The following MGP variants were observed in gnomAD, a reference collection of about 807,000 sequenced individuals.
MGP encodes the protein matrix Gla protein.
Under a neutral mutation model 14.5 loss-of-function variants are expected in MGP, and 13 were observed. That is an observed-to-expected ratio of 0.89 (90% CI 0.58 to 1.42). The LOEUF (loss-of-function observed/expected upper bound fraction) is 1.42, where lower values mean the gene tolerates loss of function less well. Among genes scored for constraint, MGP ranks in the 40% most tolerant of loss-of-function variants. MGP has a pLI of 0.00. For missense variants in MGP, 128 were observed against 133.7 expected, an observed-to-expected ratio of 0.96 and a Z score of 0.21; for synonymous variants, 44 against 46.3, an observed-to-expected ratio of 0.95 and a Z score of 0.20.
rs1160019138 is a variant in MGP at position 14,883,046 on chromosome 12, A to T, written c.96T>A (p.Asn32Lys). Residue 32 changes from asparagine to lysine, a missense_variant and splice_region_variant, in exon 3 of 4, where the codon AAT (asparagine) becomes AAA (lysine). Asn to Lys is a moderately conservative substitution (Grantham distance 94). Transcript: ENST00000539261. ...TTGCATTTCTCCTGTTAATGAAGGG[A>T]TCTTAGAACAGAAAATAAATAAATG... ...SHESMESYEL[N>K]PFINRRNANT... is the part of the protein sequence containing the mutation. 2.5e-6 allele frequency: 4 copies of T among 1,603,144 alleles called. No homozygotes were observed. Among genetic ancestry groups the T allele is most frequent in the Non-Finnish European group, 3.4e-6 (4 of 1,170,152 alleles).
chr12:14,881,627 C>T lies in MGP; in HGVS notation c.*512G>A, dbSNP rs1036872266. 1.9e-5 allele frequency: 3 copies of T among 155,554 alleles called. No homozygotes were observed. The highest frequency in any genetic ancestry group is 2.9e-5 in the Non-Finnish European group (2 of 70,108). The allele number at this position is 155,554 out of a possible 1,614,324, so 9.6% of individuals were successfully genotyped here. ...ACTTTGATGCATAAGAGATGAAAAG[C>T]AAATGAAGGGAGCCCTGTATTTGCC... On this transcript the variant is annotated 3_prime_UTR_variant, in exon 4 of 4. Transcript: ENST00000539261.
At chr12:14,883,986 C>T (rs1422853997) in intron 2 of MGP, 7 of 382,904 alleles carry the variant, frequency 1.8e-5, no homozygotes. Flanking sequence ...TTTATGGCTT[C>T]TAAATATGTC....
chr12:14,884,388 A>T (rs1020065593), intron 1 of MGP, 143 bp from the exon 2 acceptor site: 2 of 605,868 alleles, frequency 3.3e-6, no homozygotes, highest in Non-Finnish European at 5.3e-6. Flanking sequence ...GAATATATTT[A>T]GCAGTGTGGT....
rs944172391 is a variant in MGP at position 14,884,910 on chromosome 12, G to T, written c.62-665C>A. 5 of 1,521,422 alleles carry T rather than the reference G, an allele frequency of 3.3e-6. No homozygotes were observed. In the African/African-American group the frequency reaches 6.9e-5, roughly 21 times the overall value. 94.2% of individuals were successfully genotyped at this position (1,521,422 alleles called of 1,614,324 possible). A position where few individuals can be genotyped will look rare whatever the true frequency, so the allele number is the denominator to read the frequency against. Reference sequence around the variant, plus strand: ...CTCCTGAGCACAGCAGATAAATTTTGGAATAAGAAGCTTCTATTAATATTT... The same window carrying T: ...CTCCTGAGCACAGCAGATAAATTTTTGAATAAGAAGCTTCTATTAATATTT... On this transcript the variant is annotated intron_variant, in intron 1 of 3. Transcript: ENST00000539261.
Position 14,881,776 on chromosome 12 carries a change from A to T in MGP, c.*363T>A, listed in dbSNP as rs774486091. ...CTTCTTAGCTTCCTTCTTTTTATGT[A>T]GTTATTTTTCTAATTAATACTAGAT... On this transcript the variant is annotated 3_prime_UTR_variant, in exon 4 of 4. Transcript: ENST00000539261. The T allele has an allele frequency of 4.7e-6, 1 of 215,050 alleles. No individual in the cohort carries two copies. Among genetic ancestry groups the T allele is most frequent in the Non-Finnish European group, 9.6e-6 (1 of 104,632 alleles). The allele number at this position is 215,050 out of a possible 1,614,324, so 13.3% of individuals were successfully genotyped here.
Position 14,882,952 on chromosome 12 carries a change from C to T in MGP, c.170+20G>A. 6.4e-7 allele frequency: 1 copy of T among 1,568,812 alleles called. No homozygotes were observed. The highest frequency in any genetic ancestry group is 8.8e-7 in the Non-Finnish European group (1 of 1,138,912). ...TACACTGGGAAAAATGACCACTCCT[C>T]ATGAAGTTTTGTTACTGACCTCTCT... On this transcript the variant is annotated intron_variant, in intron 3 of 3. Coordinates refer to ENST00000539261, the MANE Select transcript of MGP (RefSeq NM_000900.5).
intron 3 of MGP, 26 bp downstream of exon 3, chr12:14,882,946 A>T (rs1382950478): frequency 6.6e-7 from 1 of 1,515,888 alleles, no homozygotes. Flanking sequence ...AAAAATGACC[A>T]CTCCTCATGA....
rs11555360 is a variant in MGP at position 14,882,111 on chromosome 12, A to C, written c.*28T>G. On this transcript the variant is annotated 3_prime_UTR_variant, in exon 4 of 4. Transcript: ENST00000539261. ...AAAATCAGGTGCCAGCCTCCAGAAA[A>C]AAAGAGATTTTTTTTCTTCCCTCAG... 6.2e-7 allele frequency: 1 copy of C among 1,613,716 alleles called. No individual in the cohort carries two copies. Among genetic ancestry groups the C allele is most frequent in the African/African-American group, 1.3e-5 (1 of 74,880 alleles).
chr12:14,881,254 G>A lies in MGP; in HGVS notation c.*885C>T, dbSNP rs2120417420. 6.6e-6 allele frequency: 1 copy of A among 152,226 alleles called. No homozygotes were observed. The highest frequency in any genetic ancestry group is 1.9e-4 in the East Asian group (1 of 5,180). 9.4% of individuals were successfully genotyped at this position (152,226 alleles called of 1,614,324 possible). A position where few individuals can be genotyped will look rare whatever the true frequency, so the allele number is the denominator to read the frequency against. On this transcript the variant is annotated 3_prime_UTR_variant, in exon 4 of 4. Coordinates refer to ENST00000539261, the MANE Select transcript of MGP (RefSeq NM_000900.5). ...CTGTTTCACAGGCTGGAGTGCATTG[G>A]TATGGTCATGGCTACTGAGATTACA...
rs546998085 is a variant in MGP, at chr12:14,882,170, C to G, written c.281G>C (p.Arg94Pro). The G allele has an allele frequency of 4.3e-6, 7 of 1,613,766 alleles. No individual in the cohort carries two copies. The African/African-American group carries it at 5.3e-5, about 12-fold the overall frequency. ...GGTCCCTCGGCGCTTCCTGAAGTAG[C>G]GATTATAGGCAGCATTGTATCCATA... ...MVYGYNAAYNRYFRKRRGTK is the reference protein window; with the variant it reads ...MVYGYNAAYNPYFRKRRGTK Residue 94 changes from arginine (R) to proline (P), a missense_variant, in exon 4 of 4, where the codon CGC (arginine) becomes CCC (proline). Physicochemically the swap from Arg to Pro is moderately radical, Grantham distance 103. Coordinates refer to ENST00000539261, the MANE Select transcript of MGP (RefSeq NM_000900.5).
intron 1 of MGP, 113 bp downstream of exon 1, chr12:14,885,618 A>T: frequency 1.3e-6 from 1 of 798,186 alleles, no homozygotes; most frequent in Non-Finnish European, 2.2e-6. Flanking sequence ...ATGGTACTTT[A>T]AGATTATAAC....
intron 1 of MGP, 115 bp from the exon 2 acceptor site, chr12:14,884,360 A>G (rs878908691): frequency 1.4e-6 from 1 of 713,456 alleles, no homozygotes; most frequent in South Asian, 2.2e-5. Flanking sequence ...AGAAGAGGAA[A>G]GAGTCTAAAA....
At position 14,883,050 on chromosome 12, in the gene MGP, T is replaced by C; in HGVS notation, c.95-3A>G. The C allele has an allele frequency of 6.3e-7, 1 of 1,599,314 alleles. No individual in the cohort carries two copies. The highest frequency in any genetic ancestry group is 8.6e-7 in the Non-Finnish European group (1 of 1,166,688). The stretch of plus-strand genomic sequence containing the variant: ...ATTTCTCCTGTTAATGAAGGGATCT[T>C]AGAACAGAAAATAAATAAATGCAGT... On this transcript the variant is annotated splice_region_variant and splice_polypyrimidine_tract_variant and intron_variant, in intron 2 of 3. Coordinates refer to ENST00000539261, the MANE Select transcript of MGP (RefSeq NM_000900.5).
chr12:14,884,135 T>C, intron 2 of MGP, 78 bp downstream of exon 2: 1 of 1,177,772 alleles, frequency 8.5e-7, no homozygotes, highest in Middle Eastern at 2.1e-4. Flanking sequence ...TATATATCTT[T>C]CCATCTTGTT....
In MGP at chr12:14,881,714, T is replaced by G; in HGVS notation, c.*425A>C. 5.5e-6 allele frequency: 1 copy of G among 181,870 alleles called. No individual in the cohort carries two copies. Among genetic ancestry groups the G allele is most frequent in the Non-Finnish European group, 1.2e-5 (1 of 84,718 alleles). The allele number at this position is 181,870 out of a possible 1,614,324, so 11.3% of individuals were successfully genotyped here. ...CAGATTCCATTCACGGATTCCAAGG[T>G]AGAGAGGGTTTAGAGAATTTATGGC... On this transcript the variant is annotated 3_prime_UTR_variant, in exon 4 of 4. Transcript: ENST00000539261.
chr12:14,882,701 G>T (rs1863392541), intron 3 of MGP, among the ~76,000 whole-genome samples: 1 of 143,240 alleles, frequency 7.0e-6, no homozygotes, highest in African/African-American at 2.7e-5. Flanking sequence ...GGGAGGGAAG[G>T]CAGAACAGGA....
chr12:14,884,895 C>T, intron 1 of MGP: 2 of 1,530,208 alleles, frequency 1.3e-6, no homozygotes, highest in South Asian at 1.2e-5. Flanking sequence ...CTCCTGAGCA[C>T]AGCAGATAAA....
chr12:14,884,889 T>G, intron 1 of MGP: 1 of 1,533,842 alleles, frequency 6.5e-7, no homozygotes, highest in Non-Finnish European at 8.7e-7. Context: ...GCCACTCTCC[T>G]GAGCACAGCA....
intron 2 of MGP, 23 bp downstream of exon 2, chr12:14,884,189 TA>T: frequency 6.9e-7 from 1 of 1,448,030 alleles, no homozygotes; most frequent in Non-Finnish European, 9.6e-7. Flanking sequence ...GGGATTTGAA[TA>T]AAGAAGTTAA....
Sources: gnomAD v4.1 joint callset for allele counts (sites outside exome capture counted in the v4.1 genomes callset) on GRCh38, gnomAD v4.1.1 for gene constraint, MANE v1.5 for transcripts, NCBI Gene and HGNC (gene_info 2026-07-23, HGNC 2026-07-21) for gene names.